ATF7IP: variants seen among roughly 807,000 people sequenced by gnomAD.
ATF7IP encodes the protein activating transcription factor 7 interacting protein.
In ATF7IP, 23 loss-of-function variants were observed where a neutral mutation model predicts 106.4. The observed-to-expected ratio is 0.22, with a 90% CI of 0.16 to 0.31. The LOEUF (loss-of-function observed/expected upper bound fraction) is 0.31. Among genes scored for constraint, ATF7IP ranks in the 10% least tolerant of loss-of-function variants. The pLI is 1.00. For synonymous variants in ATF7IP, 542 were observed against 539.0 expected, an observed-to-expected ratio of 1.01 and a Z score of -0.08; for missense variants, 1,334 against 1,524.3, an observed-to-expected ratio of 0.88 and a Z score of 2.08.
intron 5 of ATF7IP, among the ~76,000 whole-genome samples, chr12:14,444,950 A>G (rs1398193291): frequency 3.3e-5 from 5 of 151,662 alleles, no homozygotes; most frequent in Non-Finnish European, 7.4e-5. Flanking sequence ...ATAGAATAAT[A>G]ATATTATGCA....
At chr12:14,443,805 A>C (rs1942822462) in intron 5 of ATF7IP, among the ~76,000 whole-genome samples, 1 of 152,212 alleles carries the variant, frequency 6.6e-6, no homozygotes, top group Middle Eastern at 3.2e-3. Flanking sequence ...TGTTGAATGA[A>C]GAAGGAAATA....
intron 1 of ATF7IP, among the ~76,000 whole-genome samples, chr12:14,385,848 A>T (rs964735660): frequency 5.9e-5 from 9 of 152,050 alleles, no homozygotes; most frequent in Non-Finnish European, 1.3e-4. Context: ...TTTTGGAAAG[A>T]AGGGTAATTA....
At chr12:14,462,399 A>T (rs993463067) in intron 9 of ATF7IP, among the ~76,000 whole-genome samples, 2 of 151,884 alleles carry the variant, frequency 1.3e-5, no homozygotes, top group African/African-American at 4.8e-5. Flanking sequence ...AGTATTTTTT[A>T]ATGTCAGATC....
At chr12:14,481,216 G>A in intron 13 of ATF7IP, 31 bp downstream of exon 13, 2 of 1,609,030 alleles carry the variant, frequency 1.2e-6, no homozygotes, top group Non-Finnish European at 1.7e-6. Context: ...ATGGCCCCAA[G>A]ATACATGTAG....
chr12:14,456,139 G>A (rs532684645), intron 6 of ATF7IP, among the ~76,000 whole-genome samples: 164 of 152,202 alleles, frequency 1.1e-3, no homozygotes, highest in Non-Finnish European at 1.8e-3. Flanking sequence ...CCACTTATTT[G>A]TTGAATTGGT....
At chr12:14,482,249 T>C (rs115159719) in intron 13 of ATF7IP, 17 of 152,360 alleles carry the variant, frequency 1.1e-4, no homozygotes, top group African/African-American at 3.6e-4. Context: ...AAAATTGATA[T>C]CATTTAAACA....
intron 1 of ATF7IP, among the ~76,000 whole-genome samples, chr12:14,418,625 A>G (rs1941329798): frequency 1.3e-5 from 2 of 152,226 alleles, no homozygotes; most frequent in Non-Finnish European, 2.9e-5. Context: ...TGCTTCGCTA[A>G]TGCAAAATAC....
In ATF7IP at chr12:14,431,899, G is replaced by A. The variant is rs141276966; in HGVS notation, c.1559-2438G>A. On this transcript the variant is annotated intron_variant, in intron 2 of 14. Transcript: ENST00000261168. Reference sequence around the variant, plus strand: ...GGCCCTACCCGTCTCTGTAGAATTTGTTAATACCATTTTTTAAATCCCAAG... The same window carrying A: ...GGCCCTACCCGTCTCTGTAGAATTTATTAATACCATTTTTTAAATCCCAAG... Among the ~76,000 whole-genome samples the A allele has an allele frequency of 1.7e-3, 257 of 152,162 alleles. 7 individuals are homozygous for A. The East Asian group carries it at 0.043, about 25-fold the overall frequency.
chr12:14,480,033 A>G (rs970337273), intron 12 of ATF7IP, among the ~76,000 whole-genome samples: 3 of 152,140 alleles, frequency 2.0e-5, no homozygotes, highest in African/African-American at 7.2e-5. Context: ...TCTTGTTAAT[A>G]CTTTCTTCTT....
intron 1 of ATF7IP, among the ~76,000 whole-genome samples, chr12:14,407,175 G>A (rs910854116): frequency 1.3e-5 from 2 of 152,114 alleles, no homozygotes; most frequent in African/African-American, 2.4e-5. Context: ...TGGATAACAA[G>A]TAGTGACCAA....
At chr12:14,494,833 T>C (rs1944960248) in intron 13 of ATF7IP, among the ~76,000 whole-genome samples, 1 of 148,066 alleles carries the variant, frequency 6.8e-6, no homozygotes, top group African/African-American at 2.5e-5. Flanking sequence ...CTTGGGAGGC[T>C]GAGGCAGGAG....
chr12:14,418,821 A>G (rs1424451594), intron 1 of ATF7IP, among the ~76,000 whole-genome samples: 1 of 152,130 alleles, frequency 6.6e-6, no homozygotes, highest in Non-Finnish European at 1.5e-5. Context: ...AATTCTTTTT[A>G]GAGTGCTTTA....
intron 8 of ATF7IP, among the ~76,000 whole-genome samples, chr12:14,457,520 A>C (rs749845019): frequency 2.0e-5 from 3 of 152,130 alleles, no homozygotes; most frequent in Non-Finnish European, 4.4e-5. Flanking sequence ...CAGGAGTTCA[A>C]GTCAGCTTGG....
Position 14,436,144 on chromosome 12 carries a change from A to C in ATF7IP, c.1684A>C (p.Met562Leu), listed in dbSNP as rs760998172. Residue 562 changes from methionine to leucine, a missense_variant, in exon 4 of 15, where the codon ATG becomes CTG. This residue lies in a region of ATF7IP where 119 missense variants were observed against 117.8 expected (regional missense o/e 1.01). Coordinates refer to ENST00000261168, the MANE Select transcript of ATF7IP (RefSeq NM_018179.5). ...SRRKRSKSED[M>L]DNVQSKRRRY... ...ACGAAAACGTTCTAAATCAGAAGACATGGACAATGTACAGTCTAAACGTCG... is the reference window on the plus strand; with the variant it reads ...ACGAAAACGTTCTAAATCAGAAGACCTGGACAATGTACAGTCTAAACGTCG... 1.2e-6 allele frequency: 2 copies of C among 1,613,398 alleles called. No individual in the cohort carries two copies. The highest frequency in any genetic ancestry group is 1.7e-6 in the Non-Finnish European group (2 of 1,179,740).
chr12:14,455,372 T>C lies in ATF7IP; in HGVS notation c.1996-1189T>C, dbSNP rs193256208. Among the ~76,000 whole-genome samples, 482 of 152,242 alleles carry C rather than the reference T, an allele frequency of 3.2e-3. 2 individuals carry two copies. Among genetic ancestry groups the C allele is most frequent in the Non-Finnish European group, 5.3e-3 (358 of 68,022 alleles). On this transcript the variant is annotated intron_variant, in intron 6 of 14. Coordinates refer to ENST00000261168, the MANE Select transcript of ATF7IP (RefSeq NM_018179.5). ...TTTATAGCAGATTGTCTTAATTCTA[T>C]TGTTTTTCCCTCTACACGTATCTAA... is the stretch of plus-strand genomic sequence containing the variant.
intron 8 of ATF7IP, among the ~76,000 whole-genome samples, chr12:14,459,570 T>A (rs4764091): frequency 0.56 from 85,764 of 151,980 alleles, 24,615 homozygotes; most frequent in African/African-American, 0.67. Context: ...CCATTGGTGC[T>A]AATGTCTGCT....
intron 4 of ATF7IP, among the ~76,000 whole-genome samples, chr12:14,437,074 GGAGTATTTA>G (rs1228244132): frequency 6.6e-6 from 1 of 152,066 alleles, no homozygotes; most frequent in African/African-American, 2.4e-5. Flanking sequence ...ACTAGAGAAA[GGAGTATTTA>G]GAATACGGAG....
In ATF7IP at chr12:14,460,898, T is replaced by A. The variant is rs775317636; in HGVS notation, c.2562T>A (p.Ser854Arg). Residue 854 changes from serine to arginine, a missense_variant, in exon 9 of 15, where the codon AGT (serine) becomes AGA (arginine). Around this residue, in one of 10 missense-constraint regions of ATF7IP, gnomAD observed 370 missense variants for 401.2 expected, o/e 0.92. Coordinates refer to ENST00000261168, the MANE Select transcript of ATF7IP (RefSeq NM_018179.5). ...ACGTTCCTTCTGTGCCCAGTCCTAG[T>A]ATTCAAAGGAACCCTACTGCCAGTG... The part of the protein sequence containing the change: ...PNNVPSVPSP[S>R]IQRNPTASAA... The A allele has an allele frequency of 6.2e-7, 1 of 1,614,174 alleles. No individual in the cohort carries two copies. The highest frequency in any genetic ancestry group is 1.3e-5 in the African/African-American group (1 of 75,032).
intron 2 of ATF7IP, among the ~76,000 whole-genome samples, chr12:14,433,394 A>G (rs1260618684): frequency 6.6e-6 from 1 of 152,174 alleles, no homozygotes; most frequent in Non-Finnish European, 1.5e-5. Flanking sequence ...AGTCCCAGCT[A>G]CCTGGGAGGC....
Sources: allele counts gnomAD v4.1 joint callset (sites outside exome capture counted in the v4.1 genomes callset), GRCh38; gene constraint gnomAD v4.1.1; regional missense constraint gnomAD v4.1.1; transcripts MANE v1.5; gene names NCBI Gene and HGNC (gene_info 2026-07-23, HGNC 2026-07-21).